Variants in SLAMF9 observed in about 807,000 individuals in gnomAD.
SLAMF9 encodes SLAM family member 9.
Under a neutral mutation model 30.4 loss-of-function variants are expected in SLAMF9, and 25 were observed. The ratio of observed to expected loss-of-function variants is 0.82; its 90% confidence interval spans 0.60 to 1.15. The LOEUF is 1.15. SLAMF9 is among the 50% of genes most tolerant of loss of function. The pLI is 0.00. For missense variants in SLAMF9, 344 were observed against 346.1 expected (o/e 0.99, Z 0.05); for synonymous variants, 129 against 127.2 (o/e 1.01, Z -0.09).
the SLAMF9 span, among the ~76,000 whole-genome samples, chr1:159,969,256 G>T: frequency 7.2e-6 from 1 of 139,546 alleles, no homozygotes; most frequent in Non-Finnish European, 1.6e-5. Context: ...GTGGATAGCT[G>T]CCTGGGGGGG....
chr1:159,953,266 A>G (rs995708456), intron 2 of SLAMF9, 43 bp downstream of exon 2: 11 of 1,524,744 alleles, frequency 7.2e-6, no homozygotes, highest in African/African-American at 2.7e-5. Flanking sequence ...GAAGCTCAGA[A>G]GAGCCCCCAA....
chr1:159,963,686 C>T, the SLAMF9 span, among the ~76,000 whole-genome samples: 1 of 152,180 alleles, frequency 6.6e-6, no homozygotes. Context: ...GATTGCATGT[C>T]CTGTGACTCC....
At chr1:159,958,390 T>C (rs572449574), upstream of SLAMF9, among the ~76,000 whole-genome samples, 3 of 152,126 alleles carry the variant, frequency 2.0e-5, no homozygotes, top group South Asian at 4.2e-4. Context: ...CCCACTGAGC[T>C]CTCCGAGTCC....
At chr1:159,974,216 AGAGAAG>A in the SLAMF9 span, among the ~76,000 whole-genome samples, 2 of 152,152 alleles carry the variant, frequency 1.3e-5, no homozygotes, top group Admixed American at 6.5e-5. Context: ...CATGCTGACC[AGAGAAG>A]GGCAGGACCT....
At chr1:159,973,311 G>A in the SLAMF9 span, 1 of 629,604 alleles carries the variant, frequency 1.6e-6, no homozygotes, top group African/African-American at 1.8e-5. Context: ...GGGCTCAGGA[G>A]GGGAGTCCTG....
rs774973720 is a variant in SLAMF9, at chr1:159,953,460, T to C, written c.240A>G (p.Pro80=). ...GGAAGCTCACTTGGCCCTGGTAGTG[T>C]GGATTGGTCACCATGATGGTAGCTG... ...GHPATIMVTN[P]HYQGQVSFLD... is the part of the protein sequence containing the mutation. Residue 80 remains proline, a synonymous_variant, in exon 2 of 4, where the codon CCA becomes CCG. Transcript: ENST00000368093. 1 of 1,614,100 alleles carries C rather than the reference T, an allele frequency of 6.2e-7. No individual in the cohort carries two copies. Among genetic ancestry groups the C allele is most frequent in the East Asian group, 2.2e-5 (1 of 44,902 alleles).
At chr1:159,963,205 G>A in the SLAMF9 span, among the ~76,000 whole-genome samples, 3 of 152,216 alleles carry the variant, frequency 2.0e-5, no homozygotes, top group African/African-American at 7.2e-5. Context: ...CTCAATGAAT[G>A]TGAGTCATGG....
chr1:159,951,874 G>A lies in SLAMF9; in HGVS notation c.665-8C>T. ...CAGAAGCATAGTTAGGATCTGGGGT[G>A]GAAGAAAGGAGGAAAGGGCCCATCA... is the stretch of plus-strand genomic sequence containing the variant. On this transcript the variant is annotated splice_region_variant and splice_polypyrimidine_tract_variant and intron_variant, in intron 3 of 3. Transcript: ENST00000368093. 6.2e-7 allele frequency: 1 copy of A among 1,613,542 alleles called. No individual in the cohort carries two copies. Among genetic ancestry groups the A allele is most frequent in the East Asian group, 2.2e-5 (1 of 44,876 alleles).
chr1:159,979,794 G>A, the SLAMF9 span, among the ~76,000 whole-genome samples: 20 of 152,058 alleles, frequency 1.3e-4, no homozygotes, highest in Non-Finnish European at 2.6e-4. Context: ...GACAAAACAC[G>A]TATGGAGACA....
Position 159,951,738 on chromosome 1 carries a change from T to C in SLAMF9, c.793A>G (p.Met265Val), listed in dbSNP as rs1261628178. The C allele has an allele frequency of 6.2e-7, 1 of 1,614,180 alleles. No homozygotes were observed. The highest frequency in any genetic ancestry group is 1.7e-5 in the Admixed American group (1 of 60,030). ...CTCATGAGTTTCTTCATCCTTGGCA[T>C]TTTGTGTCTTTTCTGGACTCGGATG... Reference protein sequence around the residue: ...WVIRVQKRHKMPRMKKLMRNR... With the variant: ...WVIRVQKRHKVPRMKKLMRNR... Residue 265 changes from methionine (M) to valine (V), a missense_variant, in exon 4 of 4, where the codon ATG becomes GTG. Transcript: ENST00000368093.
the SLAMF9 span, chr1:159,978,570 T>A: frequency 6.6e-6 from 1 of 152,254 alleles, no homozygotes; most frequent in Non-Finnish European, 1.5e-5. Context: ...CACTCTTTTC[T>A]TATTTAAATT....
the SLAMF9 span, among the ~76,000 whole-genome samples, chr1:159,959,826 T>G: frequency 2.0e-5 from 3 of 152,240 alleles, no homozygotes; most frequent in African/African-American, 7.2e-5. Flanking sequence ...CCAGTTCTCC[T>G]TGACTCCCAT....
In SLAMF9 at chr1:159,952,215, G is replaced by A. The variant is rs781447859; in HGVS notation, c.664+47C>T. 17 of 1,604,402 alleles carry A rather than the reference G, an allele frequency of 1.1e-5. No individual in the cohort carries two copies. The South Asian group carries it at 1.9e-4, about 18-fold the overall frequency. ...CTGGGGGAGGGAGATGGTGCCTCTAGGCACTATCTTTCATGAGCTCAGGGG... is the reference window on the plus strand; with the variant it reads ...CTGGGGGAGGGAGATGGTGCCTCTAAGCACTATCTTTCATGAGCTCAGGGG... On this transcript the variant is annotated intron_variant, in intron 3 of 3. Transcript: ENST00000368093.
At chr1:159,964,662 G>C in the SLAMF9 span, among the ~76,000 whole-genome samples, 4 of 152,166 alleles carry the variant, frequency 2.6e-5, no homozygotes, top group Admixed American at 6.5e-5. Context: ...ACTCCCTCAA[G>C]GTCACAGTTT....
the SLAMF9 span, chr1:159,976,859 A>G: frequency 6.6e-6 from 1 of 151,176 alleles, no homozygotes; most frequent in African/African-American, 2.4e-5. Flanking sequence ...CCTGGACAAC[A>G]TATTGAGACC....
intron 2 of SLAMF9, 33 bp from the exon 3 acceptor site, chr1:159,952,567 A>G: frequency 6.2e-7 from 1 of 1,605,588 alleles, no homozygotes; most frequent in South Asian, 1.1e-5. Flanking sequence ...GACCCTCTAA[A>G]CAATCAGGGA....
chr1:159,967,182 G>C, the SLAMF9 span, among the ~76,000 whole-genome samples: 1 of 152,092 alleles, frequency 6.6e-6, no homozygotes, highest in African/African-American at 2.4e-5. Context: ...GGGTACATGT[G>C]TACAATGTGC....
chr1:159,951,728 A>G lies in SLAMF9; in HGVS notation c.803T>C (p.Met268Thr), dbSNP rs1651751059. ...RVQKRHKMPR[M>T]KKLMRNRMKL... ...CATTCTGTTTCTCATGAGTTTCTTC[A>G]TCCTTGGCATTTTGTGTCTTTTCTG... is the stretch of plus-strand genomic sequence containing the variant. Residue 268 changes from methionine to threonine, a missense_variant, in exon 4 of 4, where the codon ATG (methionine) becomes ACG (threonine). Met to Thr is a moderately conservative substitution (Grantham distance 81). Coordinates refer to ENST00000368093, the MANE Select transcript of SLAMF9 (RefSeq NM_033438.4). 6.2e-7 allele frequency: 1 copy of G among 1,614,070 alleles called. No individual in the cohort carries two copies. The highest frequency in any genetic ancestry group is 1.1e-5 in the South Asian group (1 of 91,094).
chr1:159,973,106 G>A, the SLAMF9 span: 13 of 1,519,358 alleles, frequency 8.6e-6, no homozygotes, highest in Non-Finnish European at 1.2e-5. Flanking sequence ...CTGGGATGCA[G>A]AGTTCTGGGT....
Sources: gnomAD v4.1 joint callset for allele counts (sites outside exome capture counted in the v4.1 genomes callset) on GRCh38, gnomAD v4.1.1 for gene constraint, MANE v1.5 for transcripts, NCBI Gene and HGNC (gene_info 2026-07-23, HGNC 2026-07-21) for gene names.